DHRS7B: variants seen among roughly 807,000 people sequenced by gnomAD.
The protein encoded by DHRS7B is peroxisomal reductase activating PPAR-gamma.
DHRS7B carries 24 observed loss-of-function variants against 26.4 expected under a neutral mutation model. That is an observed-to-expected ratio of 0.91 (90% CI 0.66 to 1.28). The LOEUF (loss-of-function observed/expected upper bound fraction) is 1.28. Ranked by LOEUF, DHRS7B falls within the 50% of genes most tolerant of loss-of-function variation. The probability of loss-of-function intolerance (pLI) is 0.00; values close to 1 mark genes in which losing one functional copy is unlikely to be tolerated. For missense variants in DHRS7B, 368 were observed against 419.4 expected, an observed-to-expected ratio of 0.88 and a Z score of 1.07; for synonymous variants, 142 against 166.4, an observed-to-expected ratio of 0.85 and a Z score of 1.13.
intron 1 of DHRS7B, among the ~76,000 whole-genome samples, chr17:21,147,836 G>A (rs576025952): frequency 6.6e-6 from 1 of 152,272 alleles, no homozygotes; most frequent in South Asian, 2.1e-4. Flanking sequence ...AGCCAAAGGA[G>A]ATGGCAAATC....
At chr17:21,138,049 A>G (rs1189285165) in intron 1 of DHRS7B, among the ~76,000 whole-genome samples, 1 of 137,556 alleles carries the variant, frequency 7.3e-6, no homozygotes. Context: ...CTGGGATTAC[A>G]GGTGCCCGGC....
At chr17:21,150,662 A>G (rs1406044998) in intron 1 of DHRS7B, among the ~76,000 whole-genome samples, 1 of 152,198 alleles carries the variant, frequency 6.6e-6, no homozygotes, top group Non-Finnish European at 1.5e-5. Flanking sequence ...TTTGAGTAAG[A>G]GCAGTAGGAG....
At chr17:21,138,066 T>TTAAAAA (rs71357468) in intron 1 of DHRS7B, among the ~76,000 whole-genome samples, 14,898 of 31,258 alleles carry the variant, frequency 0.48, 3,703 homozygotes, top group Non-Finnish European at 0.54. Flanking sequence ...CGGCCTCTTT[T>TTAAAAA]AAAAAAAAAA....
chr17:21,183,503 T>G, intron 3 of DHRS7B, 91 bp from the exon 4 acceptor site: 2 of 1,188,182 alleles, frequency 1.7e-6, no homozygotes, highest in African/African-American at 1.5e-5. Flanking sequence ...TAAAGTTACA[T>G]TATTGTTTTG....
In DHRS7B at chr17:21,155,580, G is replaced by C. The variant is rs149186571; in HGVS notation, c.21-16438G>C. ...ATCAGAAAGACAGATTTGGCATGCA[G>C]AAAATTAGTAAGAACATAGTTCAAC... On this transcript the variant is annotated intron_variant, in intron 1 of 6. Transcript: ENST00000395511. 3.9e-3 allele frequency among the ~76,000 whole-genome samples: 594 copies of C among 152,322 alleles called. 3 individuals carry two copies. The highest frequency in any genetic ancestry group is 6.5e-3 in the Non-Finnish European group (439 of 68,022).
chr17:21,147,057 G>A (rs1273056335), intron 1 of DHRS7B, among the ~76,000 whole-genome samples: 2 of 152,182 alleles, frequency 1.3e-5, no homozygotes, highest in Non-Finnish European at 2.9e-5. Flanking sequence ...CATAATTTCT[G>A]TGTGATTAGG....
At chr17:21,167,085 G>C (rs141760876) in intron 1 of DHRS7B, among the ~76,000 whole-genome samples, 282 of 152,194 alleles carry the variant, frequency 1.9e-3, no homozygotes, top group Non-Finnish European at 2.6e-3. Context: ...GAGAATTTTG[G>C]CCAAAGTAGA....
chr17:21,145,793 T>G (rs140912370), intron 1 of DHRS7B, among the ~76,000 whole-genome samples: 1,676 of 152,366 alleles, frequency 0.011, 16 homozygotes, highest in Middle Eastern at 0.044. Flanking sequence ...TGTAGGCTAA[T>G]GTAAGCATTC....
intron 1 of DHRS7B, among the ~76,000 whole-genome samples, chr17:21,136,981 T>G (rs148955841): frequency 0.02 from 2,967 of 151,404 alleles, 96 homozygotes; most frequent in African/African-American, 0.068. Flanking sequence ...TTTCTTTTTT[T>G]TTTTTGTGAG....
chr17:21,176,967 A>C (rs2144161470), intron 2 of DHRS7B, among the ~76,000 whole-genome samples: 1 of 152,114 alleles, frequency 6.6e-6, no homozygotes, highest in African/African-American at 2.4e-5. Flanking sequence ...AGAAGCAACG[A>C]CGCCACCCTC....
intron 1 of DHRS7B, among the ~76,000 whole-genome samples, chr17:21,162,335 T>C (rs1597744838): frequency 1.3e-5 from 2 of 152,332 alleles, no homozygotes; most frequent in Admixed American, 1.3e-4. Flanking sequence ...TTATGGCAAC[T>C]GGCAAATAGT....
intron 2 of DHRS7B, chr17:21,172,567 A>C: frequency 3.0e-6 from 1 of 328,312 alleles, no homozygotes; most frequent in South Asian, 3.1e-5. Flanking sequence ...AGCTAACTTA[A>C]AACGTGTTTT....
intron 4 of DHRS7B, 116 bp downstream of exon 4, chr17:21,183,926 G>A (rs1379695981): frequency 2.5e-5 from 22 of 890,170 alleles, no homozygotes; most frequent in Non-Finnish European, 3.4e-5. Context: ...GCCCTGGAGT[G>A]GGTGTTAGGT....
intron 1 of DHRS7B, among the ~76,000 whole-genome samples, chr17:21,148,525 C>G (rs139027650): frequency 0.01 from 1,522 of 152,144 alleles, 33 homozygotes; most frequent in African/African-American, 0.035. Context: ...GGATGGATCA[C>G]TTTAAGTCAG....
chr17:21,175,372 A>T (rs893198270), intron 2 of DHRS7B, among the ~76,000 whole-genome samples: 3 of 152,234 alleles, frequency 2.0e-5, no homozygotes, highest in Non-Finnish European at 4.4e-5. Flanking sequence ...CCAGCTGAGG[A>T]GATGGCAGCC....
At chr17:21,163,193 C>CCA (rs535015099) in intron 1 of DHRS7B, among the ~76,000 whole-genome samples, 7 of 145,316 alleles carry the variant, frequency 4.8e-5, no homozygotes, top group Non-Finnish European at 9.0e-5. Context: ...AAGACTGTCT[C>CCA]AAAAAAAAAA....
At chr17:21,163,445 T>C (rs549541552) in intron 1 of DHRS7B, among the ~76,000 whole-genome samples, 2 of 152,276 alleles carry the variant, frequency 1.3e-5, no homozygotes, top group South Asian at 4.1e-4. Context: ...CAGCTACAAA[T>C]CTCCCAGAGT....
chr17:21,140,389 C>T (rs1183116299), intron 1 of DHRS7B, among the ~76,000 whole-genome samples: 1 of 151,530 alleles, frequency 6.6e-6, no homozygotes, highest in African/African-American at 2.4e-5. Context: ...TTAAAGGAAC[C>T]AACTCAGGTG....
chr17:21,160,725 T>G (rs1973982504), intron 1 of DHRS7B, among the ~76,000 whole-genome samples: 1 of 152,234 alleles, frequency 6.6e-6, no homozygotes, highest in Non-Finnish European at 1.5e-5. Flanking sequence ...CCTTGATATT[T>G]ACCCAGATAA....
Sources: allele counts gnomAD v4.1 joint callset (sites outside exome capture counted in the v4.1 genomes callset), GRCh38; gene constraint gnomAD v4.1.1; transcripts MANE v1.5; gene names NCBI Gene and HGNC (gene_info 2026-07-23, HGNC 2026-07-21).